The following CNTNAP2 variants were observed in gnomAD, a reference collection of about 807,000 sequenced individuals.
CNTNAP2 encodes contactin associated protein 2.
A neutral mutation model predicts 155.2 loss-of-function variants in CNTNAP2; 98 were observed. The observed-to-expected ratio is 0.63, with a 90% CI of 0.54 to 0.75. The LOEUF (loss-of-function observed/expected upper bound fraction) is 0.75. Among genes scored for constraint, CNTNAP2 ranks in the 30% least tolerant of loss-of-function variants. CNTNAP2 has a pLI of 0.00. For synonymous variants in CNTNAP2, 651 were observed against 631.2 expected, an observed-to-expected ratio of 1.03 and a Z score of -0.47; for missense variants, 1,727 against 1,688.1, an observed-to-expected ratio of 1.02 and a Z score of -0.40.
chr7:146,576,359 T>A (rs1798524527), intron 1 of CNTNAP2, among the ~76,000 whole-genome samples: 1 of 152,178 alleles, frequency 6.6e-6, no homozygotes, highest in Admixed American at 6.5e-5. Context: ...AGGGGATATG[T>A]GTTTTATTGG....
chr7:147,828,133 G>T (rs1397746236), intron 13 of CNTNAP2, among the ~76,000 whole-genome samples: 1 of 152,166 alleles, frequency 6.6e-6, no homozygotes, highest in African/African-American at 2.4e-5. Context: ...ACTTATTTCA[G>T]ATATGAAGAT....
At chr7:146,483,105 T>C (rs1351589030) in intron 1 of CNTNAP2, among the ~76,000 whole-genome samples, 2 of 150,114 alleles carry the variant, frequency 1.3e-5, no homozygotes, top group African/African-American at 4.9e-5. Flanking sequence ...TGAAACCCCG[T>C]CTCTACTAAA....
chr7:146,192,518 C>T (rs1263767147), intron 1 of CNTNAP2, among the ~76,000 whole-genome samples: 1 of 152,094 alleles, frequency 6.6e-6, no homozygotes, highest in Non-Finnish European at 1.5e-5. Flanking sequence ...TGGTGGCAGG[C>T]AAGAGAGCAT....
intron 19 of CNTNAP2, among the ~76,000 whole-genome samples, chr7:148,227,765 C>T (rs1259774360): frequency 1.3e-5 from 2 of 152,148 alleles, no homozygotes; most frequent in African/African-American, 4.8e-5. Context: ...TGTTGAATTT[C>T]GTTTAGAAAA....
chr7:148,085,640 T>C (rs551310902), intron 15 of CNTNAP2, among the ~76,000 whole-genome samples: 1 of 152,286 alleles, frequency 6.6e-6, no homozygotes, highest in East Asian at 1.9e-4. Flanking sequence ...ATTTTGACAA[T>C]CTGAGAATCT....
chr7:146,954,595 A>C (rs1396105406), intron 3 of CNTNAP2, among the ~76,000 whole-genome samples: 1 of 151,794 alleles, frequency 6.6e-6, no homozygotes, highest in Admixed American at 6.6e-5. Flanking sequence ...TGGACTTTTA[A>C]ATATTTTTTT....
chr7:147,268,003 T>C lies in CNTNAP2; in HGVS notation c.1349-32138T>C, dbSNP rs59751520. 8.3e-3 allele frequency among the ~76,000 whole-genome samples: 1,270 copies of C among 152,272 alleles called. 23 individuals carry two copies. Among genetic ancestry groups the C allele is most frequent in the African/African-American group, 0.028 (1,182 of 41,558 alleles). On this transcript the variant is annotated intron_variant, in intron 8 of 23. Transcript: ENST00000361727. ...CAGTGGAAGGTTCCTCCCACACACA[T>C]GGTCTTTCACTTTTCCCTGAAATCT...
intron 13 of CNTNAP2, among the ~76,000 whole-genome samples, chr7:147,639,973 A>G (rs191139683): frequency 6.6e-6 from 1 of 152,278 alleles, no homozygotes; most frequent in African/African-American, 2.4e-5. Flanking sequence ...TAAATTCGAG[A>G]TGTTGTCAGA....
chr7:148,130,233 G>C (rs1321980946), intron 16 of CNTNAP2, among the ~76,000 whole-genome samples: 2 of 152,190 alleles, frequency 1.3e-5, no homozygotes, highest in Admixed American at 1.3e-4. Flanking sequence ...GTTTTATCTT[G>C]ATAGAACACT....
At chr7:147,883,935 A>G (rs1799564138) in intron 13 of CNTNAP2, among the ~76,000 whole-genome samples, 1 of 152,338 alleles carries the variant, frequency 6.6e-6, no homozygotes, top group Middle Eastern at 3.4e-3. Context: ...AAAATAAACA[A>G]TAAACAAAAC....
chr7:146,929,271 C>T (rs756475079), intron 3 of CNTNAP2, among the ~76,000 whole-genome samples: 5 of 152,136 alleles, frequency 3.3e-5, no homozygotes, highest in South Asian at 2.1e-4. Flanking sequence ...CAGCAGCATT[C>T]GCGGTTCACG....
At chr7:148,167,135 T>TTTTA (rs747925649) in intron 17 of CNTNAP2, among the ~76,000 whole-genome samples, 61 of 152,164 alleles carry the variant, frequency 4.0e-4, no homozygotes, top group Non-Finnish European at 5.7e-4. Flanking sequence ...GGACAAAACT[T>TTTTA]TTTATTTATT....
At chr7:147,714,741 T>A (rs1342622433) in intron 13 of CNTNAP2, among the ~76,000 whole-genome samples, 1 of 152,084 alleles carries the variant, frequency 6.6e-6, no homozygotes, top group Non-Finnish European at 1.5e-5. Flanking sequence ...TTATGCAGTT[T>A]ATTAAATGTG....
chr7:147,175,584 A>G (rs1802322975), intron 8 of CNTNAP2, among the ~76,000 whole-genome samples: 1 of 152,170 alleles, frequency 6.6e-6, no homozygotes, highest in South Asian at 2.1e-4. Flanking sequence ...TGAAGAAGGA[A>G]GAGGGACACA....
At chr7:146,299,665 T>C (rs574155104) in intron 1 of CNTNAP2, among the ~76,000 whole-genome samples, 1 of 152,250 alleles carries the variant, frequency 6.6e-6, no homozygotes, top group South Asian at 2.1e-4. Flanking sequence ...TTTTCCAAAA[T>C]GCAGGGATAA....
chr7:147,977,813 T>G, intron 14 of CNTNAP2, 49 bp from the exon 15 acceptor site: 2 of 1,612,738 alleles, frequency 1.2e-6, no homozygotes, highest in Non-Finnish European at 1.7e-6. Context: ...AAAATTCATA[T>G]GTCTAATGCA....
intron 1 of CNTNAP2, among the ~76,000 whole-genome samples, chr7:146,759,848 A>G (rs918790647): frequency 8.5e-5 from 13 of 152,136 alleles, no homozygotes; most frequent in African/African-American, 2.4e-4. Context: ...ACACCAATTA[A>G]TAAAGCCATA....
At chr7:146,866,763 G>A (rs1422653113) in intron 3 of CNTNAP2, among the ~76,000 whole-genome samples, 1 of 152,010 alleles carries the variant, frequency 6.6e-6, no homozygotes, top group African/African-American at 2.4e-5. Context: ...TAATAGAGCA[G>A]AGTTGGAAAC....
rs1798290284 is a variant in CNTNAP2 at position 146,995,422 on chromosome 7, T to C, written c.403-48485T>C. On this transcript the variant is annotated intron_variant, in intron 3 of 23. Transcript: ENST00000361727. ...TCTGGAACATCCATACTATTTTCTA[T>C]AATGACTATATTAATGTATATTCCC... 3.3e-5 allele frequency among the ~76,000 whole-genome samples: 5 copies of C among 152,204 alleles called. No homozygotes were observed. The South Asian group carries it at 1.0e-3, about 32-fold the overall frequency.
Sources: allele counts gnomAD v4.1 joint callset (sites outside exome capture counted in the v4.1 genomes callset), GRCh38; gene constraint gnomAD v4.1.1; transcripts MANE v1.5; gene names NCBI Gene and HGNC (gene_info 2026-07-23, HGNC 2026-07-21).